PLCL2: variants seen among roughly 807,000 people sequenced by gnomAD.
PLCL2 encodes the protein phospholipase C like 2, also known as inactive phospholipase C-like protein 2.
PLCL2 carries 4 observed loss-of-function variants against 79.6 expected under a neutral mutation model. That is an observed-to-expected ratio of 0.05 (90% CI 0.02 to 0.11). The LOEUF is 0.11. PLCL2 is among the 10% of genes least tolerant of loss of function. PLCL2 has a pLI of 1.00. For missense variants in PLCL2, 895 were observed against 1,291.0 expected, an observed-to-expected ratio of 0.69 and a Z score of 4.70; for synonymous variants, 484 against 457.7, an observed-to-expected ratio of 1.06 and a Z score of -0.73.
chr3:16,888,809 T>G (rs1287559145), intron 1 of PLCL2, among the ~76,000 whole-genome samples: 1 of 152,232 alleles, frequency 6.6e-6, no homozygotes, highest in Admixed American at 6.5e-5. Flanking sequence ...AAATGTCTAT[T>G]GCTGTGGATG....
At chr3:17,020,216 C>T (rs559936911) in intron 3 of PLCL2, among the ~76,000 whole-genome samples, 4 of 152,290 alleles carry the variant, frequency 2.6e-5, no homozygotes, top group African/African-American at 9.6e-5. Context: ...CAACATTCTT[C>T]CTCTATAGAG....
At chr3:16,956,201 C>T (rs2063703666) in intron 1 of PLCL2, among the ~76,000 whole-genome samples, 1 of 152,080 alleles carries the variant, frequency 6.6e-6, no homozygotes, top group East Asian at 1.9e-4. Context: ...GAGATACGTC[C>T]CATCAATACC....
At chr3:16,940,509 C>T (rs918469647) in intron 1 of PLCL2, among the ~76,000 whole-genome samples, 2 of 152,070 alleles carry the variant, frequency 1.3e-5, no homozygotes, top group African/African-American at 2.4e-5. Context: ...GGAAGAGGGG[C>T]GTGGGTTGAA....
At chr3:17,074,990 T>C (rs561980575) in intron 5 of PLCL2, among the ~76,000 whole-genome samples, 4 of 152,234 alleles carry the variant, frequency 2.6e-5, no homozygotes, top group Non-Finnish European at 5.9e-5. Flanking sequence ...TTCAGTAGAA[T>C]AGCACTTTAA....
chr3:16,939,775 T>A (rs897490970), intron 1 of PLCL2, among the ~76,000 whole-genome samples: 1 of 152,184 alleles, frequency 6.6e-6, no homozygotes, highest in Non-Finnish European at 1.5e-5. Flanking sequence ...ATTCGGGAGA[T>A]CCTTTTCATG....
intron 3 of PLCL2, among the ~76,000 whole-genome samples, chr3:17,023,390 C>T (rs889205476): frequency 1.3e-5 from 2 of 152,130 alleles, no homozygotes; most frequent in African/African-American, 2.4e-5. Flanking sequence ...ATTGTATCTC[C>T]CAGAATTCCC....
At chr3:16,970,881 T>A (rs1486835280) in intron 1 of PLCL2, among the ~76,000 whole-genome samples, 2 of 151,222 alleles carry the variant, frequency 1.3e-5, no homozygotes, top group East Asian at 1.9e-4. Context: ...TGTCTGTTCA[T>A]GTCCTTCGCC....
chr3:17,074,821 C>G lies in PLCL2; in HGVS notation c.3204+6756C>G, dbSNP rs532326014. ...CAGCTTGTCTTCTGCAACTTTCTTACCTCTCTTAGACTTCATAGAATTGAA... is the reference window on the plus strand; with the variant it reads ...CAGCTTGTCTTCTGCAACTTTCTTAGCTCTCTTAGACTTCATAGAATTGAA... On this transcript the variant is annotated intron_variant, in intron 5 of 5. Transcript: ENST00000615277. 2.9e-4 allele frequency among the ~76,000 whole-genome samples: 44 copies of G among 152,338 alleles called. 1 individual carries two copies. The highest frequency in any genetic ancestry group is 2.5e-3 in the Admixed American group (38 of 15,300).
At chr3:16,945,156 C>A (rs1158016693) in intron 1 of PLCL2, among the ~76,000 whole-genome samples, 2 of 152,022 alleles carry the variant, frequency 1.3e-5, no homozygotes, top group African/African-American at 4.8e-5. Flanking sequence ...CTCAACCTCA[C>A]GTATTTCAGA....
intron 1 of PLCL2, among the ~76,000 whole-genome samples, chr3:16,951,708 C>T (rs1426476337): frequency 6.6e-6 from 1 of 152,064 alleles, no homozygotes; most frequent in African/African-American, 2.4e-5. Flanking sequence ...ATAGTGCACA[C>T]ATATCATTCA....
chr3:16,991,239 A>G (rs1484598333), intron 1 of PLCL2, among the ~76,000 whole-genome samples: 7 of 152,274 alleles, frequency 4.6e-5, no homozygotes, highest in African/African-American at 1.4e-4. Flanking sequence ...CCTGGGTACT[A>G]TTTAACCTCT....
At chr3:16,977,490 T>C (rs776301348) in intron 1 of PLCL2, among the ~76,000 whole-genome samples, 14 of 152,334 alleles carry the variant, frequency 9.2e-5, no homozygotes, top group Non-Finnish European at 1.8e-4. Flanking sequence ...CATTCAGATC[T>C]ATTATTCCAT....
At chr3:17,077,828 C>T (rs1405494274) in intron 5 of PLCL2, among the ~76,000 whole-genome samples, 1 of 152,144 alleles carries the variant, frequency 6.6e-6, no homozygotes, top group Admixed American at 6.5e-5. Flanking sequence ...TGCAGTCCAG[C>T]CTCATGACAA....
In PLCL2 at chr3:17,085,176, C is replaced by T. The variant is rs551500618; in HGVS notation, c.3205-4557C>T. On this transcript the variant is annotated intron_variant, in intron 5 of 5. Transcript: ENST00000615277. ...TTGAGACAGGGTCTCACTCTGTCAC[C>T]CAGGCTGGAGTGTACTGGCATGATC... Among the ~76,000 whole-genome samples the T allele has an allele frequency of 2.5e-3, 387 of 152,144 alleles. 2 individuals are homozygous for T. The highest frequency in any genetic ancestry group is 8.6e-3 in the African/African-American group (358 of 41,500).
intron 1 of PLCL2, among the ~76,000 whole-genome samples, chr3:16,967,211 A>T (rs776910765): frequency 6.6e-6 from 1 of 152,128 alleles, no homozygotes; most frequent in African/African-American, 2.4e-5. Context: ...TATTGTGAGT[A>T]GTCCTGCAGT....
chr3:17,082,424 G>A lies in PLCL2; in HGVS notation c.3205-7309G>A, dbSNP rs547565442. Among the ~76,000 whole-genome samples the A allele has an allele frequency of 3.9e-5, 6 of 152,004 alleles. No individual in the cohort carries two copies. In the South Asian group the frequency reaches 6.2e-4, roughly 16 times the overall value. ...TGGGATTACAGGCATGAGCCACCGC[G>A]CCTGGCCAGAATTGTTCTTCACTCA... On this transcript the variant is annotated intron_variant, in intron 5 of 5. Coordinates refer to ENST00000615277, the MANE Select transcript of PLCL2 (RefSeq NM_001144382.2).
intron 1 of PLCL2, among the ~76,000 whole-genome samples, chr3:16,904,396 C>T (rs1407745717): frequency 6.6e-6 from 1 of 150,890 alleles, no homozygotes; most frequent in Non-Finnish European, 1.5e-5. Flanking sequence ...GTGTGTGTGG[C>T]GGGGGTGTGG....
intron 1 of PLCL2, among the ~76,000 whole-genome samples, chr3:16,897,466 A>AAGG (rs1559479308): frequency 6.6e-6 from 1 of 152,158 alleles, no homozygotes; most frequent in African/African-American, 2.4e-5. Flanking sequence ...CTGCAGCATG[A>AAGG]AGGAGGAGCC....
intron 3 of PLCL2, among the ~76,000 whole-genome samples, chr3:17,033,638 A>T (rs2064609925): frequency 6.6e-6 from 1 of 152,158 alleles, no homozygotes; most frequent in Admixed American, 6.5e-5. Flanking sequence ...TTCAATTCAC[A>T]AAATGTGTTA....
Sources: gnomAD v4.1 joint callset for allele counts (sites outside exome capture counted in the v4.1 genomes callset) on GRCh38, gnomAD v4.1.1 for gene constraint, MANE v1.5 for transcripts, NCBI Gene and HGNC (gene_info 2026-07-23, HGNC 2026-07-21) for gene names.